Variants in TMEM108 observed in about 807,000 individuals in gnomAD.
TMEM108 encodes cancer/testis antigen 124.
A neutral mutation model predicts 35.1 loss-of-function variants in TMEM108; 12 were observed. The observed-to-expected ratio is 0.34, with a 90% CI of 0.22 to 0.55. TMEM108 has a LOEUF of 0.55. Among genes scored for constraint, TMEM108 ranks in the 20% least tolerant of loss-of-function variants. The pLI, the probability that TMEM108 is intolerant of heterozygous loss-of-function variation, is 0.89. For missense variants in TMEM108, 680 were observed against 753.3 expected (o/e 0.90, Z 1.14); for synonymous variants, 287 against 308.6 (o/e 0.93, Z 0.73).
At chr3:133,219,386 C>G (rs1945955012) in intron 2 of TMEM108, among the ~76,000 whole-genome samples, 1 of 151,856 alleles carries the variant, frequency 6.6e-6, no homozygotes. Context: ...TTCCTTCTAA[C>G]TTTGGGCTTA....
At chr3:133,097,325 G>A (rs1944027252) in intron 2 of TMEM108, among the ~76,000 whole-genome samples, 1 of 152,212 alleles carries the variant, frequency 6.6e-6, no homozygotes, top group African/African-American at 2.4e-5. Context: ...TCATGGCTTA[G>A]ATGTCTGGTG....
At chr3:133,113,030 A>G (rs924398469) in intron 2 of TMEM108, among the ~76,000 whole-genome samples, 1 of 152,214 alleles carries the variant, frequency 6.6e-6, no homozygotes. Context: ...TTCAAGAAGT[A>G]TGTCATTTTT....
intron 3 of TMEM108, among the ~76,000 whole-genome samples, chr3:133,330,444 G>A (rs1316867085): frequency 6.6e-6 from 1 of 152,280 alleles, no homozygotes; most frequent in African/African-American, 2.4e-5. Flanking sequence ...GAGAGAATAT[G>A]AGAATATGTA....
chr3:133,279,058 A>C (rs571008330), intron 3 of TMEM108, among the ~76,000 whole-genome samples: 3 of 152,328 alleles, frequency 2.0e-5, no homozygotes, highest in African/African-American at 7.2e-5. Context: ...CAGGCCCTTC[A>C]AGGCCTAGTG....
intron 2 of TMEM108, among the ~76,000 whole-genome samples, chr3:133,220,685 G>A (rs1576391323): frequency 6.6e-6 from 1 of 152,310 alleles, no homozygotes; most frequent in East Asian, 1.9e-4. Flanking sequence ...ATGGACACCA[G>A]CTGAGTATCC....
chr3:133,154,169 A>C (rs1944842619), intron 2 of TMEM108, among the ~76,000 whole-genome samples: 1 of 151,714 alleles, frequency 6.6e-6, no homozygotes, highest in Admixed American at 6.6e-5. Context: ...GTTTGAGTTC[A>C]TTGTAGATTC....
At chr3:133,269,829 G>A (rs1003329102) in intron 3 of TMEM108, among the ~76,000 whole-genome samples, 4 of 152,156 alleles carry the variant, frequency 2.6e-5, no homozygotes, top group African/African-American at 9.7e-5. Context: ...CTCCTCTGGG[G>A]TTCCCAAGGA....
intron 2 of TMEM108, among the ~76,000 whole-genome samples, chr3:133,227,202 T>C (rs559549896): frequency 8.5e-4 from 121 of 143,162 alleles, no homozygotes; most frequent in African/African-American, 2.9e-3. Flanking sequence ...TTTTTTTTTT[T>C]TTTTTTTTTT....
chr3:133,356,164 T>C (rs1435685732), intron 3 of TMEM108, among the ~76,000 whole-genome samples: 6 of 151,984 alleles, frequency 3.9e-5, no homozygotes, highest in Non-Finnish European at 7.4e-5. Context: ...TCAGTAGTAC[T>C]GCTATACACC....
intron 3 of TMEM108, among the ~76,000 whole-genome samples, chr3:133,317,924 A>G (rs997715788): frequency 3.3e-5 from 5 of 152,364 alleles, no homozygotes; most frequent in East Asian, 1.9e-4. Flanking sequence ...AGGAGAATAT[A>G]TGTGTTGAAG....
At chr3:133,083,229 T>C (rs1943838215) in intron 2 of TMEM108, among the ~76,000 whole-genome samples, 1 of 136,858 alleles carries the variant, frequency 7.3e-6, no homozygotes, top group African/African-American at 2.7e-5. Flanking sequence ...TCCCATGTGA[T>C]CCATCTGTAT....
rs188943413 is a variant in TMEM108 at position 133,395,626 on chromosome 3, C to T, written c.1606-238C>T. On this transcript the variant is annotated intron_variant, in intron 5 of 5. Transcript: ENST00000321871. Reference sequence around the variant, plus strand: ...AGCAGGGAACATTTTTTGAAAGCTGCTATAAAAATATGAAAGAACAGCACA... The same window carrying T: ...AGCAGGGAACATTTTTTGAAAGCTGTTATAAAAATATGAAAGAACAGCACA... Among the ~76,000 whole-genome samples, 1,491 of 152,014 alleles carry T rather than the reference C, an allele frequency of 9.8e-3. 11 individuals are homozygous for T. The highest frequency in any genetic ancestry group is 0.013 in the Non-Finnish European group (886 of 67,970).
intron 3 of TMEM108, among the ~76,000 whole-genome samples, chr3:133,363,332 G>A (rs1012464320): frequency 1.3e-5 from 2 of 152,074 alleles, no homozygotes; most frequent in Admixed American, 6.5e-5. Flanking sequence ...AGGTGATACC[G>A]ATGCTGGTTG....
rs1006575029 is a variant in TMEM108 at position 133,305,403 on chromosome 3, C to T, written c.41-74349C>T. ...GGGGGAGGGATAGCATTGGGAGATACACCTAATGCTAGATGACGAGTTAAT... is the reference window on the plus strand; with the variant it reads ...GGGGGAGGGATAGCATTGGGAGATATACCTAATGCTAGATGACGAGTTAAT... On this transcript the variant is annotated intron_variant, in intron 3 of 5. Transcript: ENST00000321871. 2.4e-4 allele frequency among the ~76,000 whole-genome samples: 37 copies of T among 151,124 alleles called. No homozygotes were observed. In the East Asian group the frequency reaches 7.1e-3, roughly 29 times the overall value.
At chr3:133,318,181 AC>A (rs766283926) in intron 3 of TMEM108, among the ~76,000 whole-genome samples, 35 of 152,332 alleles carry the variant, frequency 2.3e-4, no homozygotes, top group Admixed American at 9.1e-4. Context: ...TAAAAGTGAC[AC>A]ACCAAGTAGT....
intron 2 of TMEM108, among the ~76,000 whole-genome samples, chr3:133,059,591 C>T (rs1943513211): frequency 6.6e-6 from 1 of 152,176 alleles, no homozygotes; most frequent in Non-Finnish European, 1.5e-5. Context: ...TTTCAGACCT[C>T]GCATAAATTG....
intron 4 of TMEM108, among the ~76,000 whole-genome samples, chr3:133,383,898 G>A (rs1411429152): frequency 6.6e-6 from 1 of 152,130 alleles, no homozygotes; most frequent in Non-Finnish European, 1.5e-5. Context: ...CTCTTGCCTT[G>A]GCCCTGACTG....
rs117387147 is a variant in TMEM108 at position 133,314,269 on chromosome 3, C to T, written c.41-65483C>T. Among the ~76,000 whole-genome samples, 23 of 152,230 alleles carry T rather than the reference C, an allele frequency of 1.5e-4. No individual in the cohort carries two copies. In the East Asian group the frequency reaches 4.4e-3, roughly 29 times the overall value. On this transcript the variant is annotated intron_variant, in intron 3 of 5. Coordinates refer to ENST00000321871, the MANE Select transcript of TMEM108 (RefSeq NM_023943.4). The stretch of plus-strand genomic sequence containing the variant: ...GGGAAAATAAAAAGGATGATGACAA[C>T]TCTAAAGTGTATGCCATCTCTCATC...
In TMEM108 at chr3:133,108,570, G is replaced by T. The variant is rs373300595; in HGVS notation, c.-47+62550G>T. 1.7e-3 allele frequency among the ~76,000 whole-genome samples: 263 copies of T among 151,152 alleles called. 1 individual carries two copies. Among genetic ancestry groups the T allele is most frequent in the African/African-American group, 5.8e-3 (240 of 41,268 alleles). ...AAAATTTTCTCCCATTTTGTAGGTT[G>T]CCTGTTCACTCTGATGGTAGTTTCT... On this transcript the variant is annotated intron_variant, in intron 2 of 5. Coordinates refer to ENST00000321871, the MANE Select transcript of TMEM108 (RefSeq NM_023943.4).
Sources: gnomAD v4.1 joint callset for allele counts (sites outside exome capture counted in the v4.1 genomes callset) on GRCh38, gnomAD v4.1.1 for gene constraint, MANE v1.5 for transcripts, NCBI Gene and HGNC (gene_info 2026-07-23, HGNC 2026-07-21) for gene names.